The following PDCD6 variants were observed in gnomAD, a reference collection of about 807,000 sequenced individuals.
PDCD6 encodes programmed cell death protein 6.
In PDCD6, 12 loss-of-function variants were observed where a neutral mutation model predicts 28.3. The ratio of observed to expected loss-of-function variants is 0.42; its 90% CI spans 0.27 to 0.69. The LOEUF is 0.69. PDCD6 is among the 30% of genes least tolerant of loss of function. The pLI, the probability that PDCD6 is intolerant of heterozygous loss-of-function variation, is 0.22. For missense variants in PDCD6, 226 were observed against 269.9 expected (o/e 0.84, Z 1.14); for synonymous variants, 92 against 108.0 (o/e 0.85, Z 0.92).
At chr5:296,141 A>C (rs567743408) in intron 2 of PDCD6, among the ~76,000 whole-genome samples, 2 of 152,336 alleles carry the variant, frequency 1.3e-5, no homozygotes, top group Admixed American at 1.3e-4. Context: ...TCAAGTTTTA[A>C]GACCAAAAGG....
chr5:311,001 G>T (rs921814676), intron 4 of PDCD6: 2 of 354,800 alleles, frequency 5.6e-6, no homozygotes, highest in Non-Finnish European at 1.0e-5. Context: ...CTTCCCGGAG[G>T]TGAGTAGTTA....
intron 2 of PDCD6, among the ~76,000 whole-genome samples, chr5:279,829 A>G (rs903864239): frequency 8.7e-5 from 13 of 149,102 alleles, no homozygotes; most frequent in Admixed American, 4.0e-4. Context: ...GCTGCAGTTC[A>G]TTAATAGTAA....
chr5:274,792 G>T (rs186616800), intron 2 of PDCD6, among the ~76,000 whole-genome samples: 235 of 152,084 alleles, frequency 1.5e-3, no homozygotes, highest in African/African-American at 5.1e-3. Flanking sequence ...GAGGGAGTTA[G>T]TCCTGCCCCA....
chr5:282,393 G>A (rs1443422568), intron 2 of PDCD6, among the ~76,000 whole-genome samples: 3 of 151,674 alleles, frequency 2.0e-5, no homozygotes. Flanking sequence ...TGATGTTGTA[G>A]TTTGAGCATC....
intron 5 of PDCD6, among the ~76,000 whole-genome samples, chr5:313,218 C>T (rs1223588359): frequency 2.0e-5 from 3 of 152,214 alleles, no homozygotes; most frequent in Non-Finnish European, 4.4e-5. Flanking sequence ...AGTTAAAATT[C>T]CCTCAAAAAC....
intron 2 of PDCD6, among the ~76,000 whole-genome samples, chr5:303,828 C>T (rs1235546974): frequency 1.4e-5 from 2 of 147,088 alleles, no homozygotes; most frequent in Non-Finnish European, 2.9e-5. Flanking sequence ...AACTTCTCAA[C>T]TTAGCTGGTG....
chr5:290,320 A>G (rs1028020055), intron 2 of PDCD6: 6 of 1,289,910 alleles, frequency 4.7e-6, no homozygotes, highest in African/African-American at 2.9e-5. Context: ...CTCAACGTCC[A>G]TGGCTTCCTG....
Position 271,703 on chromosome 5 carries a change from A to T in PDCD6, c.-18A>T, listed in dbSNP as rs192942671. 6.8e-7 allele frequency: 1 copy of T among 1,480,388 alleles called. No individual in the cohort carries two copies. The highest frequency in any genetic ancestry group is 9.1e-7 in the Non-Finnish European group (1 of 1,094,930). The allele number at this position is 1,480,388 out of a possible 1,614,324, so 91.7% of individuals were successfully genotyped here. On this transcript the variant is annotated 5_prime_UTR_variant, in exon 1 of 6. Coordinates refer to ENST00000264933, the MANE Select transcript of PDCD6 (RefSeq NM_013232.4). ...CTCGTCGCTGCAGGCGCCTCAGCCC[A>T]GCCGCGTGCCTTGGCCCATGGCCGC...
intron 2 of PDCD6, among the ~76,000 whole-genome samples, chr5:275,329 C>T (rs1452798528): frequency 2.0e-5 from 3 of 152,216 alleles, no homozygotes; most frequent in Admixed American, 6.5e-5. Context: ...TCACTGTTCA[C>T]CCTGAGAGAC....
intron 2 of PDCD6, chr5:289,751 C>T (rs1739202456): frequency 2.2e-6 from 2 of 898,338 alleles, no homozygotes; most frequent in African/African-American, 1.6e-5. Context: ...TCAGGCGACC[C>T]ATTTGTTGTC....
intron 2 of PDCD6, among the ~76,000 whole-genome samples, chr5:277,967 C>T (rs1031121036): frequency 1.3e-5 from 2 of 151,298 alleles, no homozygotes; most frequent in African/African-American, 4.9e-5. Flanking sequence ...TAACAAAATC[C>T]AGGCCAGACA....
In PDCD6 at chr5:271,820, A is replaced by G; in HGVS notation, c.100A>G (p.Arg34Gly). The change falls in exon 1 of 6, where the codon AGG (arginine) becomes GGG (glycine). Residue 34 changes from arginine to glycine, a missense_variant and splice_region_variant. Coordinates refer to ENST00000264933, the MANE Select transcript of PDCD6 (RefSeq NM_013232.4). Reference sequence around the variant, plus strand: ...GAGCTTCCTGTGGAACGTTTTCCAGAGGTGCGGCCTGGCACCGCCCGGGCA... The same window carrying G: ...GAGCTTCCTGTGGAACGTTTTCCAGGGGTGCGGCCTGGCACCGCCCGGGCA... ...DQSFLWNVFQ[R>G]VDKDRSGVIS... 7.0e-7 allele frequency: 1 copy of G among 1,429,050 alleles called. No individual in the cohort carries two copies. The highest frequency in any genetic ancestry group is 9.2e-7 in the Non-Finnish European group (1 of 1,092,830). The allele number at this position is 1,429,050 out of a possible 1,614,324, so 88.5% of individuals were successfully genotyped here.
At chr5:296,190 A>G (rs1245684145) in intron 2 of PDCD6, among the ~76,000 whole-genome samples, 3 of 152,178 alleles carry the variant, frequency 2.0e-5, no homozygotes, top group South Asian at 2.1e-4. Flanking sequence ...ATGAACATCA[A>G]TTCTCTGGGA....
At position 274,581 on chromosome 5, in the gene PDCD6, G is replaced by C. The variant is rs370457774; in HGVS notation, c.163+1809G>C. ...AGTATTAGTAGTAGCTAATACACTG[G>C]TACTATTCTTGGCTAACAAGCCAGC... On this transcript the variant is annotated intron_variant, in intron 2 of 5. Transcript: ENST00000264933. Among the ~76,000 whole-genome samples the C allele has an allele frequency of 2.5e-3, 383 of 152,316 alleles. 1 individual carries two copies. Among genetic ancestry groups the C allele is most frequent in the African/African-American group, 6.5e-3 (270 of 41,564 alleles).
At position 274,990 on chromosome 5, in the gene PDCD6, G is replaced by A. The variant is rs116674388; in HGVS notation, c.163+2218G>A. ...GTGGCTTAACCCAAGCTGTGTATCG[G>A]GACCCTCTCACCGTGGTCCCAATGG... On this transcript the variant is annotated intron_variant, in intron 2 of 5. Transcript: ENST00000264933. Among the ~76,000 whole-genome samples, 850 of 152,236 alleles carry A rather than the reference G, an allele frequency of 5.6e-3. 10 individuals are homozygous for A. The highest frequency in any genetic ancestry group is 0.017 in the Middle Eastern group (5 of 294).
rs1367248097 is a variant in PDCD6, at chr5:307,447, C to T, written c.367+687C>T. On this transcript the variant is annotated intron_variant, in intron 4 of 5. Coordinates refer to ENST00000264933, the MANE Select transcript of PDCD6 (RefSeq NM_013232.4). This position sits in a 1 kb window ranked among gnomAD's most constrained non-coding sequence, Gnocchi z 6.1. ...GCGCTCAGCGTGTGTGTGCTTGACG[C>T]GTGTGCACACACACATGTGACGGTG... Among the ~76,000 whole-genome samples, 1 of 152,104 alleles carries T rather than the reference C, an allele frequency of 6.6e-6. No individual in the cohort carries two copies. Among genetic ancestry groups the T allele is most frequent in the East Asian group, 1.9e-4 (1 of 5,176 alleles).
chr5:312,765 A>G (rs1741003723), intron 5 of PDCD6, among the ~76,000 whole-genome samples: 1 of 151,866 alleles, frequency 6.6e-6, no homozygotes, highest in Non-Finnish European at 1.5e-5. Context: ...AGCCGAGATC[A>G]CACCACTGCA....
chr5:277,299 G>GTTTTTTTTTTT (rs1395797530), intron 2 of PDCD6, among the ~76,000 whole-genome samples: 2 of 99,822 alleles, frequency 2.0e-5, no homozygotes, highest in African/African-American at 7.2e-5. Flanking sequence ...CTAATTTTTT[G>GTTTTTTTTTTT]TATTTTTTTT....
chr5:275,465 C>T (rs1464851660), intron 2 of PDCD6, among the ~76,000 whole-genome samples: 2 of 152,216 alleles, frequency 1.3e-5, no homozygotes, highest in South Asian at 2.1e-4. Context: ...ATCTTATAAA[C>T]GTTTACCTGA....
Sources: gnomAD v4.1 joint callset for allele counts (sites outside exome capture counted in the v4.1 genomes callset) on GRCh38, gnomAD v4.1.1 for gene constraint, Gnocchi (gnomAD v3.1) non-coding constraint, MANE v1.5 for transcripts, NCBI Gene and HGNC (gene_info 2026-07-23, HGNC 2026-07-21) for gene names.